Variants in TET1 observed in about 807,000 individuals in gnomAD.
The protein encoded by TET1 is methylcytosine dioxygenase TET1.
A neutral mutation model predicts 148.7 loss-of-function variants in TET1; 13 were observed. That is an observed-to-expected ratio of 0.09 (90% confidence interval 0.06 to 0.14). The LOEUF is 0.14. TET1 is among the 10% of genes least tolerant of loss of function. The pLI, the probability that TET1 is intolerant of heterozygous loss-of-function variation, is 1.00. For missense variants in TET1, 2,182 were observed against 2,553.8 expected, an observed-to-expected ratio of 0.85 and a Z score of 3.14; for synonymous variants, 907 against 937.2, an observed-to-expected ratio of 0.97 and a Z score of 0.59.
At chr10:68,597,925 C>T (rs2054006667) in intron 2 of TET1, among the ~76,000 whole-genome samples, 1 of 151,988 alleles carries the variant, frequency 6.6e-6, no homozygotes, top group Non-Finnish European at 1.5e-5. Context: ...ATTTCATAGA[C>T]AGAAAGTAGA....
In TET1 at chr10:68,681,432, G is replaced by T; in HGVS notation, c.4858G>T (p.Ala1620Ser). The change falls in exon 9 of 12, where the codon GCT (alanine) becomes TCT (serine). Residue 1620 changes from alanine to serine, a missense_variant. Transcript: ENST00000373644. ...KNLEDNLQSL[A>S]TRLAPIYKQY... ...CCTTGAAGATAACTTACAGAGTTTG[G>T]CTACACGATTAGCTCCAATTTATAA... The T allele has an allele frequency of 6.2e-7, 1 of 1,613,886 alleles. No homozygotes were observed. The highest frequency in any genetic ancestry group is 8.5e-7 in the Non-Finnish European group (1 of 1,179,870).
At chr10:68,594,876 G>A (rs563184560) in intron 2 of TET1, among the ~76,000 whole-genome samples, 2 of 151,698 alleles carry the variant, frequency 1.3e-5, no homozygotes, top group East Asian at 3.9e-4. Context: ...GTACTCAGGA[G>A]CCTGAGGCAG....
At chr10:68,581,836 CA>C (rs35620494) in intron 2 of TET1, among the ~76,000 whole-genome samples, 235 of 129,840 alleles carry the variant, frequency 1.8e-3, no homozygotes, top group Middle Eastern at 4.2e-3. Flanking sequence ...GACCGTGTCT[CA>C]AAAAAAAAAA....
chr10:68,674,635 T>A (rs2055325044), intron 8 of TET1: 1 of 468,302 alleles, frequency 2.1e-6, no homozygotes. Context: ...ATCTTACCTG[T>A]GACAAAATAT....
chr10:68,600,921 A>G, intron 2 of TET1, 60 bp from the exon 3 acceptor site: 1 of 1,491,698 alleles, frequency 6.7e-7, no homozygotes, highest in Non-Finnish European at 9.2e-7. Flanking sequence ...AATTTTGGGG[A>G]TGTGGGAGCT....
chr10:68,688,119 CAG>C (rs1183530424), intron 11 of TET1, among the ~76,000 whole-genome samples: 5 of 152,026 alleles, frequency 3.3e-5, no homozygotes, highest in African/African-American at 9.7e-5. Flanking sequence ...TATTTTGAGT[CAG>C]AGTCTCACTC....
intron 6 of TET1, among the ~76,000 whole-genome samples, chr10:68,663,034 T>A (rs2055144926): frequency 6.6e-6 from 1 of 152,230 alleles, no homozygotes; most frequent in African/African-American, 2.4e-5. Context: ...GGTTGGAGAA[T>A]TACCTGTTGG....
intron 2 of TET1, among the ~76,000 whole-genome samples, chr10:68,593,943 T>TTTTTTTA (rs2053949574): frequency 2.3e-5 from 3 of 131,140 alleles, no homozygotes; most frequent in Admixed American, 8.2e-5. Context: ...TTTTTTTTTT[T>TTTTTTTA]GAGACAGAGT....
chr10:68,632,495 T>C (rs1363888352), intron 3 of TET1: 9 of 1,612,880 alleles, frequency 5.6e-6, no homozygotes, highest in South Asian at 4.4e-5. Flanking sequence ...TTAGGATCTG[T>C]TGTGGCTGGC....
rs139498270 is a variant in TET1 at position 68,603,207 on chromosome 10, T to A, written c.1968+2173T>A. Among the ~76,000 whole-genome samples the A allele has an allele frequency of 3.6e-3, 546 of 152,364 alleles. 4 individuals are homozygous for A. Among genetic ancestry groups the A allele is most frequent in the African/African-American group, 0.013 (522 of 41,588 alleles). On this transcript the variant is annotated intron_variant, in intron 3 of 11. Coordinates refer to ENST00000373644, the MANE Select transcript of TET1 (RefSeq NM_030625.3). Reference sequence around the variant, plus strand: ...ATTTGGTGTCATTCCAGAAATTTAGTCTGCTTCCTTTGACTTTATCCTTTT... The same window carrying A: ...ATTTGGTGTCATTCCAGAAATTTAGACTGCTTCCTTTGACTTTATCCTTTT...
intron 8 of TET1, among the ~76,000 whole-genome samples, chr10:68,678,579 G>A (rs1379110937): frequency 1.3e-5 from 2 of 151,912 alleles, no homozygotes; most frequent in South Asian, 2.1e-4. Flanking sequence ...GTGAAACTCC[G>A]TCTCCACTAA....
chr10:68,604,104 A>T (rs1469514780), intron 3 of TET1, among the ~76,000 whole-genome samples: 6 of 152,226 alleles, frequency 3.9e-5, no homozygotes, highest in Non-Finnish European at 8.8e-5. Flanking sequence ...GGTGTGGTCT[A>T]ATTCCAGTCC....
intron 3 of TET1, among the ~76,000 whole-genome samples, chr10:68,617,648 C>T (rs1001233734): frequency 6.6e-6 from 1 of 152,088 alleles, no homozygotes; most frequent in Non-Finnish European, 1.5e-5. Context: ...CGGGTTCAAG[C>T]GATTCTCCTG....
intron 1 of TET1, among the ~76,000 whole-genome samples, chr10:68,561,433 G>T (rs966870970): frequency 1.3e-5 from 2 of 152,196 alleles, no homozygotes; most frequent in Non-Finnish European, 2.9e-5. Flanking sequence ...AGGGAGTAGA[G>T]TGTGTTCTGT....
Position 68,646,009 on chromosome 10 carries a change from A to C in TET1, c.3280A>C (p.Lys1094Gln), listed in dbSNP as rs1289749968. 1.9e-6 allele frequency: 3 copies of C among 1,614,006 alleles called. No individual in the cohort carries two copies. Among genetic ancestry groups the C allele is most frequent in the Non-Finnish European group, 2.5e-6 (3 of 1,180,030 alleles). ...LASIIKINYIKPEDKKVESTP... is the reference protein window; with the variant it reads ...LASIIKINYIQPEDKKVESTP... ...TTCGATAATTAAGATCAATTATATA[A>C]AACCAGAGGACAAAAAAGTTGAAAG... The change falls in exon 4 of 12, where the codon AAA (lysine) becomes CAA (glutamine). Residue 1094 changes from lysine (K) to glutamine (Q), a missense_variant. This residue lies in a region of TET1 where 582 missense variants were observed against 599.5 expected (regional missense o/e 0.97). Transcript: ENST00000373644.
chr10:68,658,476 C>T (rs1305875642), intron 6 of TET1, among the ~76,000 whole-genome samples: 2 of 152,180 alleles, frequency 1.3e-5, no homozygotes, highest in African/African-American at 4.8e-5. Flanking sequence ...TCTATTGCTT[C>T]TCTTTTTAAT....
chr10:68,572,662 C>A lies in TET1; in HGVS notation c.324C>A (p.Ser108Arg), dbSNP rs372546848. ...ATGGGTTTACAATGGCGCTACGAAG[C>A]ACCTCTCTTAGCAGGCGACTCTCCC... ...TCNGFTMALR[S>R]TSLSRRLSQP... The change falls in exon 2 of 12, where the codon AGC (serine) becomes AGA (arginine). Residue 108 changes from serine to arginine, a missense_variant. Coordinates refer to ENST00000373644, the MANE Select transcript of TET1 (RefSeq NM_030625.3). The A allele has an allele frequency of 6.2e-6, 10 of 1,613,974 alleles. No individual in the cohort carries two copies. The highest frequency in any genetic ancestry group is 1.3e-5 in the African/African-American group (1 of 74,894).
At chr10:68,684,247 T>A (rs575379393) in intron 10 of TET1, among the ~76,000 whole-genome samples, 1 of 151,938 alleles carries the variant, frequency 6.6e-6, no homozygotes, top group Admixed American at 6.6e-5. Context: ...TAAAAAATAA[T>A]TTTTTTTAGG....
At chr10:68,621,503 G>C (rs1480339782) in intron 3 of TET1, among the ~76,000 whole-genome samples, 1 of 152,166 alleles carries the variant, frequency 6.6e-6, no homozygotes, top group African/African-American at 2.4e-5. Context: ...AGAATCTCTT[G>C]AATCCGGGAG....
Sources: gnomAD v4.1 joint callset for allele counts (sites outside exome capture counted in the v4.1 genomes callset) on GRCh38, gnomAD v4.1.1 for gene constraint, gnomAD v4.1.1 regional missense constraint, MANE v1.5 for transcripts, NCBI Gene and HGNC (gene_info 2026-07-23, HGNC 2026-07-21) for gene names.